Variants in CDH9 observed in about 807,000 individuals in gnomAD.
CDH9 encodes the protein cadherin 9, also known as cadherin-9.
CDH9 carries 28 observed loss-of-function variants against 70.9 expected under a neutral mutation model. The ratio of observed to expected loss-of-function variants is 0.40; its 90% CI spans 0.29 to 0.54. CDH9 has a LOEUF of 0.54. Ranked by LOEUF, CDH9 falls within the 20% of genes least tolerant of loss-of-function variation. CDH9 has a pLI of 0.59. For missense variants in CDH9, 874 were observed against 984.4 expected, an observed-to-expected ratio of 0.89 and a Z score of 1.50; for synonymous variants, 409 against 343.1, an observed-to-expected ratio of 1.19 and a Z score of -2.12.
At chr5:26,996,788 AT>A (rs1308110682) in intron 1 of CDH9, among the ~76,000 whole-genome samples, 1 of 151,634 alleles carries the variant, frequency 6.6e-6, no homozygotes, top group African/African-American at 2.4e-5. Context: ...AGATATAGAT[AT>A]GGATATGCTT....
chr5:26,964,499 C>G (rs188579266), intron 2 of CDH9, among the ~76,000 whole-genome samples: 1 of 152,122 alleles, frequency 6.6e-6, no homozygotes, highest in Non-Finnish European at 1.5e-5. Flanking sequence ...TCCACTCAAC[C>G]AACCAATGAA....
chr5:26,936,654 T>C (rs1177279231), intron 2 of CDH9, among the ~76,000 whole-genome samples: 1 of 152,072 alleles, frequency 6.6e-6, no homozygotes, highest in Non-Finnish European at 1.5e-5. Context: ...ACTATAAAAA[T>C]ACAGTAATCA....
chr5:27,026,145 C>A (rs1235531746), intron 1 of CDH9, among the ~76,000 whole-genome samples: 1 of 151,704 alleles, frequency 6.6e-6, no homozygotes, highest in Non-Finnish European at 1.5e-5. Flanking sequence ...ATTGGAATAT[C>A]TTATTTAATC....
chr5:27,012,230 A>G (rs182806699), intron 1 of CDH9, among the ~76,000 whole-genome samples: 56 of 152,110 alleles, frequency 3.7e-4, no homozygotes, highest in Non-Finnish European at 5.9e-4. Context: ...AATGCTGTAT[A>G]AAAAGCTGTT....
chr5:26,977,911 ATAACT>A (rs1190449232), intron 2 of CDH9, among the ~76,000 whole-genome samples: 1 of 152,112 alleles, frequency 6.6e-6, no homozygotes, highest in Non-Finnish European at 1.5e-5. Context: ...TAGTAGAGTA[ATAACT>A]TAAGATTAAG....
chr5:26,980,356 C>T (rs753816214), intron 2 of CDH9, among the ~76,000 whole-genome samples: 78 of 151,794 alleles, frequency 5.1e-4, no homozygotes, highest in Non-Finnish European at 9.7e-4. Context: ...TCAGTAATCA[C>T]CTTCCTTGGA....
At chr5:26,882,973 A>G (rs988854203) in intron 11 of CDH9, among the ~76,000 whole-genome samples, 3 of 147,560 alleles carry the variant, frequency 2.0e-5, no homozygotes, top group African/African-American at 7.5e-5. Context: ...TATGAAAGAT[A>G]ATTAGAAGTA....
At chr5:26,896,188 T>C (rs1481713165) in intron 7 of CDH9, among the ~76,000 whole-genome samples, 1 of 152,036 alleles carries the variant, frequency 6.6e-6, no homozygotes, top group Non-Finnish European at 1.5e-5. Flanking sequence ...GGATGACCTT[T>C]AAACTGAACT....
At chr5:26,939,085 G>A (rs900823806) in intron 2 of CDH9, among the ~76,000 whole-genome samples, 3 of 150,854 alleles carry the variant, frequency 2.0e-5, no homozygotes, top group Admixed American at 6.6e-5. Flanking sequence ...TTAAATAGAG[G>A]AATAATTTCA....
chr5:26,905,760 C>T (rs1008372809), intron 5 of CDH9, among the ~76,000 whole-genome samples, 199 bp downstream of exon 5: 1 of 151,790 alleles, frequency 6.6e-6, no homozygotes, highest in African/African-American at 2.4e-5. Flanking sequence ...ACTACATACT[C>T]CAAAAAATGA....
rs779392780 is a variant in CDH9, at chr5:26,891,047, C to A, written c.1254-483G>T. On this transcript the variant is annotated intron_variant, in intron 7 of 11. Coordinates refer to ENST00000231021, the MANE Select transcript of CDH9 (RefSeq NM_016279.4). ...GAATGTTTTTTTATTCAAGGAATAT[C>A]CAGCTGAATCAAGGTCTTTCTCTAC... 2.6e-5 allele frequency among the ~76,000 whole-genome samples: 4 copies of A among 152,180 alleles called. No homozygotes were observed. In the East Asian group the frequency reaches 7.7e-4, roughly 29 times the overall value.
chr5:26,997,252 T>C (rs1467889376), intron 1 of CDH9, among the ~76,000 whole-genome samples: 1 of 151,974 alleles, frequency 6.6e-6, no homozygotes, highest in African/African-American at 2.4e-5. Context: ...GATGCATATG[T>C]GTGTGTGTAT....
chr5:26,959,136 A>G (rs1741992492), intron 2 of CDH9, among the ~76,000 whole-genome samples: 1 of 152,188 alleles, frequency 6.6e-6, no homozygotes, highest in Non-Finnish European at 1.5e-5. Context: ...CATAATATAT[A>G]AAGAACTCTT....
chr5:27,000,592 A>C (rs912438483), intron 1 of CDH9, among the ~76,000 whole-genome samples: 1 of 152,164 alleles, frequency 6.6e-6, no homozygotes, highest in Admixed American at 6.6e-5. Flanking sequence ...AGTAAACCAC[A>C]TAACATGGGA....
intron 2 of CDH9, among the ~76,000 whole-genome samples, chr5:26,959,561 C>T (rs1741999553): frequency 6.6e-6 from 1 of 151,982 alleles, no homozygotes; most frequent in African/African-American, 2.4e-5. Flanking sequence ...TGTAAATGTT[C>T]AAAGCTGCCT....
Position 26,881,203 on chromosome 5 carries a change from C to T in CDH9, c.2303G>A (p.Ser768Asn), listed in dbSNP as rs1740455363. 1.2e-6 allele frequency: 2 copies of T among 1,613,166 alleles called. No individual in the cohort carries two copies. The highest frequency in any genetic ancestry group is 4.5e-5 in the East Asian group (2 of 44,868). ...TTTTTTGAAACGAGGCCCCCAGTCA[C>T]TGAGGTAATCATAATCTTGGTTACA... The part of the protein sequence containing the change: ...ADCNQDYDYL[S>N]DWGPRFKKLA... Residue 768 changes from serine to asparagine, a missense_variant, in exon 12 of 12, where the codon AGT (serine) becomes AAT (asparagine). Ser to Asn is a conservative substitution (Grantham distance 46). Coordinates refer to ENST00000231021, the MANE Select transcript of CDH9 (RefSeq NM_016279.4).
At chr5:27,007,474 A>G (rs1468573619) in intron 1 of CDH9, among the ~76,000 whole-genome samples, 1 of 152,146 alleles carries the variant, frequency 6.6e-6, no homozygotes, top group East Asian at 1.9e-4. Context: ...GATACCCATG[A>G]TACATAATAT....
rs1290835663 is a variant in CDH9, at chr5:26,895,498, T to C, written c.1254-4934A>G. Among the ~76,000 whole-genome samples, 3 of 152,058 alleles carry C rather than the reference T, an allele frequency of 2.0e-5. No homozygotes were observed. The East Asian group carries it at 5.8e-4, about 29-fold the overall frequency. On this transcript the variant is annotated intron_variant, in intron 7 of 11. Coordinates refer to ENST00000231021, the MANE Select transcript of CDH9 (RefSeq NM_016279.4). ...ATCCCTCACCAGAAAGTTTGTTTTG[T>C]TACTTTTCAATTCCACAGCAGTAGA...
chr5:26,961,961 T>G (rs1210025896), intron 2 of CDH9, among the ~76,000 whole-genome samples: 1 of 152,182 alleles, frequency 6.6e-6, no homozygotes, highest in Non-Finnish European at 1.5e-5. Flanking sequence ...TTTCTCCTAA[T>G]GCTATCCCTT....
Sources: gnomAD v4.1 joint callset for allele counts (sites outside exome capture counted in the v4.1 genomes callset) on GRCh38, gnomAD v4.1.1 for gene constraint, MANE v1.5 for transcripts, NCBI Gene and HGNC (gene_info 2026-07-23, HGNC 2026-07-21) for gene names.